OPCML: variants seen among roughly 807,000 people sequenced by gnomAD.
OPCML encodes the protein opioid-binding protein/cell adhesion molecule.
Under a neutral mutation model 37.8 loss-of-function variants are expected in OPCML, and 13 were observed. That is an observed-to-expected ratio of 0.34 (90% confidence interval 0.22 to 0.55). The LOEUF is 0.55. Among genes scored for constraint, OPCML ranks in the 20% least tolerant of loss-of-function variants. The pLI is 0.91. For synonymous variants in OPCML, 176 were observed against 168.8 expected (o/e 1.04, Z -0.33); for missense variants, 341 against 435.6 (o/e 0.78, Z 1.93).
intron 1 of OPCML, among the ~76,000 whole-genome samples, chr11:133,398,650 A>G (rs779471888): frequency 3.9e-5 from 6 of 152,184 alleles, no homozygotes; most frequent in Non-Finnish European, 8.8e-5. Flanking sequence ...AGAAATATGC[A>G]ATTTTCAAAA....
At chr11:133,467,273 A>G (rs1001937905) in intron 1 of OPCML, among the ~76,000 whole-genome samples, 1 of 152,176 alleles carries the variant, frequency 6.6e-6, no homozygotes, top group Non-Finnish European at 1.5e-5. Flanking sequence ...AGTGCAAAAT[A>G]CAACAGGATT....
At chr11:132,755,719 C>T (rs1946018178) in intron 2 of OPCML, among the ~76,000 whole-genome samples, 1 of 152,066 alleles carries the variant, frequency 6.6e-6, no homozygotes, top group African/African-American at 2.4e-5. Flanking sequence ...TGCTATAGCT[C>T]ACACAGTTTG....
chr11:133,442,679 G>C (rs1289142288), intron 1 of OPCML, among the ~76,000 whole-genome samples: 1 of 151,644 alleles, frequency 6.6e-6, no homozygotes, highest in Non-Finnish European at 1.5e-5. Context: ...AAAACATAGT[G>C]ACCTACTGTT....
At chr11:132,618,365 T>G (rs981912337) in intron 3 of OPCML, among the ~76,000 whole-genome samples, 2 of 152,124 alleles carry the variant, frequency 1.3e-5, no homozygotes, top group Non-Finnish European at 2.9e-5. Flanking sequence ...ATTAGCCAGA[T>G]GTGGTGGTGC....
rs138185611 is a variant in OPCML at position 132,503,452 on chromosome 11, G to A, written c.505+25609C>T. 1.1e-4 allele frequency among the ~76,000 whole-genome samples: 17 copies of A among 152,224 alleles called. No homozygotes were observed. The East Asian group carries it at 2.9e-3, about 26-fold the overall frequency. On this transcript the variant is annotated intron_variant, in intron 4 of 7. Transcript: ENST00000524381. Reference sequence around the variant, plus strand: ...TCCTGTCCCCACTATTGCATTTGGTGCTTTACCTACAAGAATACAATTCTA... The same window carrying A: ...TCCTGTCCCCACTATTGCATTTGGTACTTTACCTACAAGAATACAATTCTA...
At chr11:132,863,627 C>T (rs1256379362) in intron 2 of OPCML, among the ~76,000 whole-genome samples, 1 of 152,212 alleles carries the variant, frequency 6.6e-6, no homozygotes. Flanking sequence ...GGCCATCCAA[C>T]CTAAAACTAT....
chr11:132,943,152 G>T lies in OPCML; in HGVS notation c.62-142C>A, dbSNP rs559304341. On this transcript the variant is annotated intron_variant, in intron 1 of 7. Coordinates refer to ENST00000524381, the MANE Select transcript of OPCML (RefSeq NM_001012393.5). The surrounding 1 kb of genome is among the most constrained non-coding windows in gnomAD (Gnocchi z 4.3). ...CCGCACAGTCCTGGTCCCCCGCCCC[G>T]CGCACCAGCGGGCTCGGGAAGCGGT... The T allele has an allele frequency of 2.5e-6, 4 of 1,602,356 alleles. No individual in the cohort carries two copies. The highest frequency in any genetic ancestry group is 3.4e-5 in the Admixed American group (2 of 59,640).
intron 1 of OPCML, among the ~76,000 whole-genome samples, chr11:133,326,791 T>A (rs1203705500): frequency 1.2e-5 from 1 of 84,364 alleles, no homozygotes; most frequent in African/African-American, 4.7e-5. Context: ...GATGTGGATG[T>A]GGGGTGTGGG....
At chr11:133,358,926 C>A (rs921595391) in intron 1 of OPCML, among the ~76,000 whole-genome samples, 25 of 151,542 alleles carry the variant, frequency 1.6e-4, no homozygotes, top group Admixed American at 4.6e-4. Context: ...ACCAGCGTGG[C>A]TGGGCTGCAG....
intron 1 of OPCML, among the ~76,000 whole-genome samples, chr11:133,305,301 C>T (rs991543957): frequency 6.6e-6 from 1 of 152,066 alleles, no homozygotes; most frequent in East Asian, 1.9e-4. Context: ...TCTCCAAGGA[C>T]GACCACAGCA....
chr11:133,163,653 C>A (rs925055361), intron 1 of OPCML, among the ~76,000 whole-genome samples: 2 of 152,162 alleles, frequency 1.3e-5, no homozygotes, highest in Non-Finnish European at 2.9e-5. Flanking sequence ...TCTAGTGGTT[C>A]CTTTTTCTCC....
intron 2 of OPCML, among the ~76,000 whole-genome samples, chr11:132,698,974 T>C (rs1254322984): frequency 6.6e-6 from 1 of 152,144 alleles, no homozygotes; most frequent in Non-Finnish European, 1.5e-5. Flanking sequence ...ATTTTAACAA[T>C]ATTAATTTTT....
intron 2 of OPCML, among the ~76,000 whole-genome samples, chr11:132,935,380 T>C (rs960368671): frequency 6.6e-6 from 1 of 152,216 alleles, no homozygotes; most frequent in Non-Finnish European, 1.5e-5. Context: ...TTTTCTGTTA[T>C]TCTTCATTGC....
chr11:132,783,455 TCAAA>T (rs905804228), intron 2 of OPCML, among the ~76,000 whole-genome samples: 35 of 152,208 alleles, frequency 2.3e-4, no homozygotes, highest in African/African-American at 8.2e-4. Flanking sequence ...ACAGCCATGT[TCAAA>T]CAGTTAATTC....
chr11:133,401,954 A>T (rs1423961604), intron 1 of OPCML, among the ~76,000 whole-genome samples: 1 of 152,194 alleles, frequency 6.6e-6, no homozygotes, highest in African/African-American at 2.4e-5. Context: ...GTTAGTGCTG[A>T]TTGTCAATCT....
chr11:132,792,508 C>T (rs1324640842), intron 2 of OPCML, among the ~76,000 whole-genome samples: 1 of 152,222 alleles, frequency 6.6e-6, no homozygotes, highest in East Asian at 1.9e-4. Flanking sequence ...TCCCCACCCC[C>T]ATTTCCATGA....
At chr11:132,897,434 G>A (rs1361751095) in intron 2 of OPCML, among the ~76,000 whole-genome samples, 1 of 152,190 alleles carries the variant, frequency 6.6e-6, no homozygotes, top group African/African-American at 2.4e-5. Context: ...TAATGGACCA[G>A]CACAGGCCCT....
intron 2 of OPCML, among the ~76,000 whole-genome samples, chr11:132,682,669 G>A (rs1379371827): frequency 1.3e-5 from 2 of 152,172 alleles, no homozygotes; most frequent in Non-Finnish European, 2.9e-5. Context: ...AGCAACCAGG[G>A]AGAGAATGGA....
chr11:132,495,396 C>T (rs1274199811), intron 4 of OPCML, among the ~76,000 whole-genome samples: 1 of 152,142 alleles, frequency 6.6e-6, no homozygotes, highest in Non-Finnish European at 1.5e-5. Flanking sequence ...TGGGGGAAGA[C>T]ATTTGCTCAG....
Sources: allele counts gnomAD v4.1 joint callset (sites outside exome capture counted in the v4.1 genomes callset), GRCh38; gene constraint gnomAD v4.1.1; non-coding constraint Gnocchi (gnomAD v3.1); transcripts MANE v1.5; gene names NCBI Gene and HGNC (gene_info 2026-07-23, HGNC 2026-07-21).